The following LY9 variants were observed in gnomAD, a reference collection of about 807,000 sequenced individuals.
The protein encoded by LY9 is T-lymphocyte surface antigen Ly-9.
In LY9, 59 loss-of-function variants were observed where a neutral mutation model predicts 64.6. That is an observed-to-expected ratio of 0.91 (90% CI 0.74 to 1.13). The LOEUF is 1.13. LY9 is among the 50% of genes most tolerant of loss of function. The pLI, the probability that LY9 is intolerant of heterozygous loss-of-function variation, is 0.00. For missense variants in LY9, 789 were observed against 797.2 expected (o/e 0.99, Z 0.12); for synonymous variants, 281 against 308.5 (o/e 0.91, Z 0.93).
rs1313699841 is a variant in LY9 at position 160,813,716 on chromosome 1, T to G, written c.535T>G (p.Ser179Ala). The G allele has an allele frequency of 7.4e-6, 12 of 1,614,048 alleles. No homozygotes were observed. Among genetic ancestry groups the G allele is most frequent in the African/African-American group, 4.0e-5 (3 of 74,918 alleles). The change falls in exon 3 of 10, where the codon TCC (serine) becomes GCC (alanine). Residue 179 changes from serine (S) to alanine (A), a missense_variant. By Grantham distance (99) the Ser-to-Ala change is moderately conservative. Coordinates refer to ENST00000263285, the MANE Select transcript of LY9 (RefSeq NM_002348.4). Reference sequence around the variant, plus strand: ...CTCCTGTAACATCACTCTAATGTGCTCCGTGAAGGGGGCAGAGAAAAGTGT... The same window carrying G: ...CTCCTGTAACATCACTCTAATGTGCGCCGTGAAGGGGGCAGAGAAAAGTGT... ...NFSCNITLMC[S>A]VKGAEKSVLY...
intron 9 of LY9, among the ~76,000 whole-genome samples, chr1:160,825,128 A>T (rs750045287): frequency 7.2e-5 from 11 of 151,882 alleles, no homozygotes; most frequent in Non-Finnish European, 1.3e-4. Flanking sequence ...GGACCGCTTG[A>T]GCCGGGGAGT....
intron 1 of LY9, among the ~76,000 whole-genome samples, chr1:160,797,720 C>T (rs762657027): frequency 6.6e-6 from 1 of 152,052 alleles, no homozygotes; most frequent in Non-Finnish European, 1.5e-5. Context: ...GTGAAAAGAC[C>T]CCTCTCACTT....
chr1:160,801,869 C>T (rs1666514917), intron 2 of LY9: 2 of 1,614,172 alleles, frequency 1.2e-6, no homozygotes, highest in Non-Finnish European at 1.7e-6. Context: ...GCCTGGAGTC[C>T]ATCATCAGCA....
At chr1:160,809,090 T>A (rs1393623702) in intron 2 of LY9, among the ~76,000 whole-genome samples, 1 of 152,150 alleles carries the variant, frequency 6.6e-6, no homozygotes, top group Admixed American at 6.5e-5. Flanking sequence ...AATATTCTTG[T>A]GCACCTATCT....
chr1:160,803,104 A>G (rs1666657868), intron 2 of LY9, among the ~76,000 whole-genome samples: 1 of 152,104 alleles, frequency 6.6e-6, no homozygotes, highest in Non-Finnish European at 1.5e-5. Flanking sequence ...TAACATGGTG[A>G]AACCCCGTCT....
intron 1 of LY9, among the ~76,000 whole-genome samples, chr1:160,798,309 A>G (rs888157532): frequency 2.6e-5 from 4 of 152,196 alleles, no homozygotes; most frequent in African/African-American, 9.7e-5. Flanking sequence ...CATCATGGAC[A>G]TAGGATCTGG....
rs1668523162 is a variant in LY9 at position 160,822,248 on chromosome 1, G to T, written c.1499-1217G>T. 2.0e-5 allele frequency among the ~76,000 whole-genome samples: 3 copies of T among 151,138 alleles called. No homozygotes were observed. The South Asian group carries it at 6.2e-4, about 31-fold the overall frequency. On this transcript the variant is annotated intron_variant, in intron 7 of 9. Coordinates refer to ENST00000263285, the MANE Select transcript of LY9 (RefSeq NM_002348.4). ...CTATAGAGGAAGGGGTCTCAGAGGGGTGGGGACCGGCTGCTGGTGAATGCG... is the reference window on the plus strand; with the variant it reads ...CTATAGAGGAAGGGGTCTCAGAGGGTTGGGGACCGGCTGCTGGTGAATGCG...
intron 2 of LY9, chr1:160,801,780 A>G: frequency 1.2e-6 from 2 of 1,606,548 alleles, no homozygotes; most frequent in Non-Finnish European, 1.7e-6. Flanking sequence ...TGACTATTCA[A>G]TTTTCCCAGC....
intron 1 of LY9, among the ~76,000 whole-genome samples, chr1:160,798,564 A>G (rs1197624575): frequency 6.6e-6 from 1 of 152,092 alleles, no homozygotes; most frequent in Non-Finnish European, 1.5e-5. Context: ...TAAAGAATCC[A>G]CCTGACCCAA....
intron 2 of LY9, among the ~76,000 whole-genome samples, chr1:160,804,642 G>A (rs1206032876): frequency 1.3e-5 from 2 of 152,170 alleles, no homozygotes; most frequent in Non-Finnish European, 2.9e-5. Context: ...TGATTTTTAA[G>A]AATAGTTTTA....
chr1:160,797,119 C>T (rs1665960119), intron 1 of LY9: 5 of 985,488 alleles, frequency 5.1e-6, no homozygotes, highest in Non-Finnish European at 6.0e-6. Context: ...GGCCCAACTC[C>T]TGGGAAACAT....
intron 2 of LY9, chr1:160,801,744 G>C (rs1318017593): frequency 1.4e-6 from 2 of 1,422,022 alleles, no homozygotes; most frequent in Admixed American, 3.4e-5. Flanking sequence ...ATGAGAAATA[G>C]GGGTTCAACT....
chr1:160,819,121 C>T (rs1668178113), intron 6 of LY9, among the ~76,000 whole-genome samples, 200 bp from the exon 7 acceptor site: 2 of 152,192 alleles, frequency 1.3e-5, no homozygotes, highest in Admixed American at 6.5e-5. Flanking sequence ...AGAGCCTCCA[C>T]CTCTGCAGAA....
intron 3 of LY9, 141 bp downstream of exon 3, chr1:160,814,052 C>A: frequency 1.1e-6 from 1 of 879,530 alleles, no homozygotes; most frequent in Non-Finnish European, 1.7e-6. Flanking sequence ...ATTCTCTACT[C>A]TCAGGGACAT....
chr1:160,827,139 G>A (rs373343250), intron 9 of LY9, among the ~76,000 whole-genome samples: 1 of 152,194 alleles, frequency 6.6e-6, no homozygotes, highest in South Asian at 2.1e-4. Flanking sequence ...TTGCCTACTT[G>A]ATCTGGAAAT....
intron 7 of LY9, among the ~76,000 whole-genome samples, chr1:160,820,853 T>TG: frequency 6.6e-6 from 1 of 151,892 alleles, no homozygotes; most frequent in African/African-American, 2.4e-5. Context: ...TTTTTTTTTT[T>TG]TTTTAATTCA....
At chr1:160,812,902 T>A (rs1254895049) in intron 2 of LY9, 1 of 1,686 alleles carries the variant, frequency 5.9e-4, no homozygotes, top group Non-Finnish European at 0.017. Context: ...CCTGGCCAAC[T>A]GGTGAAACTT....
At chr1:160,800,450 T>C (rs1666348490) in intron 2 of LY9, among the ~76,000 whole-genome samples, 1 of 152,252 alleles carries the variant, frequency 6.6e-6, no homozygotes, top group Non-Finnish European at 1.5e-5. Context: ...ACATGCGATA[T>C]GTGTCTTTTT....
intron 9 of LY9, among the ~76,000 whole-genome samples, chr1:160,824,986 A>G (rs1229625943): frequency 3.3e-5 from 5 of 151,438 alleles, no homozygotes; most frequent in Non-Finnish European, 7.4e-5. Flanking sequence ...TCTCAAAAAA[A>G]AAAAAAAAAA....
Sources: gnomAD v4.1 joint callset for allele counts (sites outside exome capture counted in the v4.1 genomes callset) on GRCh38, gnomAD v4.1.1 for gene constraint, MANE v1.5 for transcripts, NCBI Gene and HGNC (gene_info 2026-07-23, HGNC 2026-07-21) for gene names.